Variants in KDM3B observed in about 807,000 individuals in gnomAD.
KDM3B encodes lysine demethylase 3B, also known as lysine-specific demethylase 3B.
KDM3B carries 10 observed loss-of-function variants against 170.0 expected under a neutral mutation model. That is an observed-to-expected ratio of 0.06 (90% CI 0.04 to 0.10). The LOEUF (loss-of-function observed/expected upper bound fraction) is 0.10, where lower values mean the gene tolerates loss of function less well. KDM3B is among the 10% of genes least tolerant of loss of function. The pLI is 1.00. For synonymous variants in KDM3B, 831 were observed against 834.8 expected (o/e 1.00, Z 0.08); for missense variants, 1,394 against 2,195.2 (o/e 0.64, Z 7.29).
chr5:138,422,539 T>C (rs1274308140), intron 15 of KDM3B, among the ~76,000 whole-genome samples: 1 of 151,926 alleles, frequency 6.6e-6, no homozygotes, highest in East Asian at 1.9e-4. Context: ...ACTCGGGAGG[T>C]TGAGGCAGGA....
intron 9 of KDM3B, among the ~76,000 whole-genome samples, chr5:138,396,952 G>A (rs558217246): frequency 8.3e-4 from 127 of 152,270 alleles, no homozygotes; most frequent in African/African-American, 2.8e-3. Context: ...TTGGAAGGCC[G>A]AGGTGGGCGG....
intron 17 of KDM3B, among the ~76,000 whole-genome samples, chr5:138,426,341 G>A (rs191741757): frequency 9.3e-5 from 14 of 151,020 alleles, no homozygotes; most frequent in African/African-American, 2.4e-4. Context: ...TTGGGAGGCC[G>A]AGGCGGGTGG....
chr5:138,358,331 G>A (rs1190518120), intron 1 of KDM3B, among the ~76,000 whole-genome samples: 8 of 121,620 alleles, frequency 6.6e-5, no homozygotes, highest in African/African-American at 2.2e-4. Context: ...TTGAGACGGA[G>A]TCTTGTTCTG....
At chr5:138,359,540 T>G (rs1479080909) in intron 1 of KDM3B, among the ~76,000 whole-genome samples, 3 of 149,510 alleles carry the variant, frequency 2.0e-5, no homozygotes, top group African/African-American at 7.4e-5. Flanking sequence ...CCCCTGGCCT[T>G]AAGTGATCCA....
intron 1 of KDM3B, among the ~76,000 whole-genome samples, chr5:138,362,585 CAA>C (rs869039471): frequency 0.038 from 2,557 of 67,042 alleles, 47 homozygotes; most frequent in Admixed American, 0.082. Flanking sequence ...CACACACACA[CAA>C]AATATCTTAA....
chr5:138,370,601 TATTA>T (rs958937760), intron 1 of KDM3B, among the ~76,000 whole-genome samples: 6 of 152,206 alleles, frequency 3.9e-5, no homozygotes, highest in Non-Finnish European at 8.8e-5. Context: ...ATTTGAATTT[TATTA>T]ATTACATCAT....
At chr5:138,416,259 T>G (rs1046600722) in intron 12 of KDM3B, among the ~76,000 whole-genome samples, 35 of 152,110 alleles carry the variant, frequency 2.3e-4, no homozygotes, top group Middle Eastern at 3.2e-3. Flanking sequence ...ATGATGACTC[T>G]GCCAAACTAC....
Position 138,419,009 on chromosome 5 carries a change from A to G in KDM3B, c.3492A>G (p.Gly1164=). 1 of 1,613,948 alleles carries G rather than the reference A, an allele frequency of 6.2e-7. No individual in the cohort carries two copies. Among genetic ancestry groups the G allele is most frequent in the Non-Finnish European group, 8.5e-7 (1 of 1,179,822 alleles). ...GAAACGAAACTACCTTCTCTGGTGG[A>G]GGAGGACCGGCACCAGTAACAACTC... is the stretch of plus-strand genomic sequence containing the variant. ...SSGNETTFSG[G]GGPAPVTTPE... The change falls in exon 14 of 24, where the codon GGA becomes GGG. Residue 1164 remains glycine, a synonymous_variant. Transcript: ENST00000314358.
intron 2 of KDM3B, 128 bp from the exon 3 acceptor site, chr5:138,374,965 G>A: frequency 1.6e-6 from 1 of 607,804 alleles, no homozygotes; most frequent in Non-Finnish European, 3.0e-6. Flanking sequence ...AAGGACTTAT[G>A]CTTTAGCTTA....
intron 9 of KDM3B, among the ~76,000 whole-genome samples, chr5:138,396,532 T>C (rs1322578633): frequency 6.6e-6 from 1 of 152,056 alleles, no homozygotes; most frequent in Non-Finnish European, 1.5e-5. Flanking sequence ...AGAAAATAGA[T>C]GATGTTGAAA....
chr5:138,401,357 A>G (rs1762691147), intron 11 of KDM3B, among the ~76,000 whole-genome samples: 1 of 151,788 alleles, frequency 6.6e-6, no homozygotes, highest in Non-Finnish European at 1.5e-5. Context: ...GATTCTTCCA[A>G]GGCTTGCTTT....
chr5:138,361,325 A>C (rs1470166341), intron 1 of KDM3B, among the ~76,000 whole-genome samples: 1 of 131,768 alleles, frequency 7.6e-6, no homozygotes, highest in Non-Finnish European at 1.6e-5. Flanking sequence ...TCAGTTTTCT[A>C]AGGGCTGAAA....
At chr5:138,399,692 A>T (rs1762634776) in intron 10 of KDM3B, among the ~76,000 whole-genome samples, 168 bp from the exon 11 acceptor site, 1 of 152,192 alleles carries the variant, frequency 6.6e-6, no homozygotes, top group Non-Finnish European at 1.5e-5. Flanking sequence ...GTTCAGAAAT[A>T]CTAGAAATTA....
intron 1 of KDM3B, among the ~76,000 whole-genome samples, chr5:138,365,304 A>G (rs1422044501): frequency 2.0e-5 from 3 of 151,986 alleles, no homozygotes; most frequent in Non-Finnish European, 4.4e-5. Context: ...CTTGTCTCCC[A>G]GCCTGGAGTA....
intron 13 of KDM3B, among the ~76,000 whole-genome samples, chr5:138,418,370 G>A (rs183269675): frequency 2.0e-5 from 3 of 152,142 alleles, no homozygotes; most frequent in East Asian, 1.9e-4. Flanking sequence ...ATGAGCCACC[G>A]CACCTGGCCT....
intron 7 of KDM3B, among the ~76,000 whole-genome samples, chr5:138,390,738 C>T (rs988331493): frequency 9.2e-5 from 14 of 152,158 alleles, no homozygotes; most frequent in African/African-American, 1.7e-4. Flanking sequence ...AGCACTGTGA[C>T]GACCAATTGG....
intron 13 of KDM3B, 41 bp from the exon 14 acceptor site, chr5:138,418,912 C>A: frequency 6.3e-7 from 1 of 1,591,440 alleles, no homozygotes; most frequent in South Asian, 1.1e-5. Flanking sequence ...TTTTTCTACC[C>A]AAGCACAGCA....
chr5:138,371,454 CAA>C (rs747631161), intron 1 of KDM3B, among the ~76,000 whole-genome samples: 59 of 56,612 alleles, frequency 1.0e-3, no homozygotes, highest in Admixed American at 1.8e-3. Context: ...GACCCTGTCT[CAA>C]AAAAAAAAAA....
In KDM3B at chr5:138,366,529, C is replaced by T. The variant is rs1175000832; in HGVS notation, c.193-6145C>T. On this transcript the variant is annotated intron_variant, in intron 1 of 23. Transcript: ENST00000314358. Reference sequence around the variant, plus strand: ...TATTTTTGTAGAGACAAGGTCTCACCTATGTTACCCAGGATGGTCTCAAAC... The same window carrying T: ...TATTTTTGTAGAGACAAGGTCTCACTTATGTTACCCAGGATGGTCTCAAAC... Among the ~76,000 whole-genome samples the T allele has an allele frequency of 2.6e-5, 4 of 152,072 alleles. No individual in the cohort carries two copies. The East Asian group carries it at 7.7e-4, about 29-fold the overall frequency.
Sources: gnomAD v4.1 joint callset for allele counts (sites outside exome capture counted in the v4.1 genomes callset) on GRCh38, gnomAD v4.1.1 for gene constraint, MANE v1.5 for transcripts, NCBI Gene and HGNC (gene_info 2026-07-23, HGNC 2026-07-21) for gene names.